Variants in TOPBP1 observed in about 807,000 individuals in gnomAD.
TOPBP1 encodes the protein DNA topoisomerase 2-binding protein 1.
A neutral mutation model predicts 167.7 loss-of-function variants in TOPBP1; 28 were observed. The observed-to-expected ratio is 0.17, with a 90% CI of 0.12 to 0.23. The LOEUF is 0.23. TOPBP1 is among the 10% of genes least tolerant of loss of function. The probability of loss-of-function intolerance (pLI) is 1.00; values close to 1 mark genes in which losing one functional copy is unlikely to be tolerated. For missense variants in TOPBP1, 1,554 were observed against 1,809.6 expected (o/e 0.86, Z 2.56); for synonymous variants, 598 against 611.4 (o/e 0.98, Z 0.32).
At chr3:133,632,461 G>C (rs1358847151) in intron 14 of TOPBP1, among the ~76,000 whole-genome samples, 1 of 152,070 alleles carries the variant, frequency 6.6e-6, no homozygotes, top group Non-Finnish European at 1.5e-5. Context: ...GTTCTTTATA[G>C]CAATGTGCAA....
chr3:133,609,020 A>G (rs775398623), intron 25 of TOPBP1, 58 bp from the exon 26 acceptor site: 47 of 1,303,848 alleles, frequency 3.6e-5, no homozygotes, highest in Non-Finnish European at 4.9e-5. Context: ...AATAATACAG[A>G]TAATGCATGA....
At chr3:133,632,390 A>G (rs979532046) in intron 14 of TOPBP1, among the ~76,000 whole-genome samples, 3 of 152,128 alleles carry the variant, frequency 2.0e-5, no homozygotes, top group Admixed American at 6.6e-5. Flanking sequence ...GGGTGACAAG[A>G]GCAAGACTCC....
Position 133,629,158 on chromosome 3 carries a change from T to TA in TOPBP1, c.2521-426dup, listed in dbSNP as rs558825222. On this transcript the variant is annotated intron_variant, in intron 14 of 27. Transcript: ENST00000260810. ...TAGAAAGTCAAAATGAGCTGAGAAT[T>TA]AAAAAAAAAAAAATCTTCAAAAGTT... 1.0e-3 allele frequency among the ~76,000 whole-genome samples: 152 copies of TA among 145,682 alleles called. 2 individuals are homozygous for TA. The East Asian group carries it at 0.013, about 13-fold the overall frequency.
In TOPBP1 at chr3:133,657,865, T is replaced by C; in HGVS notation, c.296A>G (p.His99Arg). Reference sequence around the variant, plus strand: ...AGACATAACCATATTATAAACTGGATGTTCGGCTCTTGGGACACATCGCTG... The same window carrying C: ...AGACATAACCATATTATAAACTGGACGTTCGGCTCTTGGGACACATCGCTG... ...HHQRCVPRAE[H>R]PVYNMVMSDV... Residue 99 changes from histidine (H) to arginine (R), a missense_variant, in exon 4 of 28, where the codon CAT becomes CGT. Coordinates refer to ENST00000260810, the MANE Select transcript of TOPBP1 (RefSeq NM_007027.4). The C allele has an allele frequency of 1.9e-6, 3 of 1,602,708 alleles. No homozygotes were observed. The highest frequency in any genetic ancestry group is 1.3e-5 in the African/African-American group (1 of 74,156).
intron 10 of TOPBP1, among the ~76,000 whole-genome samples, chr3:133,647,848 A>T (rs1417503568): frequency 2.6e-5 from 4 of 152,194 alleles, no homozygotes; most frequent in Non-Finnish European, 4.4e-5. Context: ...AATAAATCAC[A>T]GAAAGACAAA....
At position 133,601,171 on chromosome 3, in the gene TOPBP1, A is replaced by C. The variant is rs1934279889; in HGVS notation, c.*79T>G. On this transcript the variant is annotated 3_prime_UTR_variant, in exon 28 of 28. Coordinates refer to ENST00000260810, the MANE Select transcript of TOPBP1 (RefSeq NM_007027.4). ...TTCAGGTACTCATCTTTAAATTACT[A>C]CCCAAATCTATCACAGTCACATTCA... 2 of 1,297,758 alleles carry C rather than the reference A, an allele frequency of 1.5e-6. No homozygotes were observed. Among genetic ancestry groups the C allele is most frequent in the African/African-American group, 1.5e-5 (1 of 65,066 alleles). The allele number at this position is 1,297,758 out of a possible 1,614,324, so 80.4% of individuals were successfully genotyped here.
intron 7 of TOPBP1, 84 bp downstream of exon 7, chr3:133,653,261 C>G (rs891819191): frequency 1.6e-6 from 2 of 1,259,664 alleles, no homozygotes; most frequent in Admixed American, 7.0e-5. Context: ...AATTCCCTAT[C>G]TCAGTGATCC....
intron 8 of TOPBP1, among the ~76,000 whole-genome samples, chr3:133,650,443 C>T (rs1936251920): frequency 6.6e-6 from 1 of 151,932 alleles, no homozygotes; most frequent in African/African-American, 2.4e-5. Context: ...CTCTTTAAAT[C>T]AATTTTCTTA....
chr3:133,641,705 G>C (rs1024080491), intron 12 of TOPBP1, among the ~76,000 whole-genome samples: 1 of 152,114 alleles, frequency 6.6e-6, no homozygotes, highest in African/African-American at 2.4e-5. Context: ...TTCTATTTCA[G>C]AATTTGCATG....
intron 24 of TOPBP1, among the ~76,000 whole-genome samples, chr3:133,611,995 C>A (rs1188111483): frequency 6.6e-6 from 1 of 151,928 alleles, no homozygotes; most frequent in Non-Finnish European, 1.5e-5. Context: ...GCCTTGGCCT[C>A]CCAAAGTGCT....
chr3:133,610,912 AT>A, intron 25 of TOPBP1, 91 bp downstream of exon 25: 1 of 1,347,330 alleles, frequency 7.4e-7, no homozygotes, highest in Non-Finnish European at 9.9e-7. Flanking sequence ...TAGAATCATT[AT>A]TTCCTGAAGC....
At position 133,620,272 on chromosome 3, in the gene TOPBP1, A is replaced by G. The variant is rs1935040457; in HGVS notation, c.3254T>C (p.Val1085Ala). The change falls in exon 20 of 28, where the codon GTG becomes GCG. Residue 1085 changes from valine (V) to alanine (A), a missense_variant. Transcript: ENST00000260810. ...LQEIMSATSI[V>A]KPQGQRTSLS... ...GGAAGTCCTCTGCCCTTGGGGTTTCACTATTGATGTTGCAGACATTATCTC... is the reference window on the plus strand; with the variant it reads ...GGAAGTCCTCTGCCCTTGGGGTTTCGCTATTGATGTTGCAGACATTATCTC... 1 of 1,613,974 alleles carries G rather than the reference A, an allele frequency of 6.2e-7. No individual in the cohort carries two copies. Among genetic ancestry groups the G allele is most frequent in the Non-Finnish European group, 8.5e-7 (1 of 1,179,890 alleles).
chr3:133,638,221 T>C (rs1559823249), intron 13 of TOPBP1, 59 bp from the exon 14 acceptor site: 2 of 1,474,090 alleles, frequency 1.4e-6, no homozygotes, highest in African/African-American at 1.4e-5. Flanking sequence ...TTTTTCCCGG[T>C]ACACAAGAAG....
chr3:133,637,507 T>G (rs1292952921), intron 14 of TOPBP1, among the ~76,000 whole-genome samples: 2 of 152,238 alleles, frequency 1.3e-5, no homozygotes, highest in Non-Finnish European at 2.9e-5. Flanking sequence ...TTACATTTTA[T>G]AGTTTATAAA....
intron 13 of TOPBP1, among the ~76,000 whole-genome samples, chr3:133,638,847 T>G (rs978884497): frequency 1.3e-5 from 2 of 152,206 alleles, no homozygotes; most frequent in Non-Finnish European, 2.9e-5. Flanking sequence ...GTGTTAGACA[T>G]GGGAAATACA....
At chr3:133,612,621 A>T in intron 23 of TOPBP1, 69 bp from the exon 24 acceptor site, 1 of 1,386,538 alleles carries the variant, frequency 7.2e-7, no homozygotes, top group South Asian at 1.5e-5. Flanking sequence ...TGTAATCTCA[A>T]CTACGCATAG....
intron 14 of TOPBP1, among the ~76,000 whole-genome samples, chr3:133,630,321 T>G (rs1576296817): frequency 6.6e-6 from 1 of 150,856 alleles, no homozygotes; most frequent in East Asian, 2.0e-4. Flanking sequence ...TTTTCAGAGA[T>G]GGAGTCCTGC....
At chr3:133,654,499 T>C (rs960776358) in intron 6 of TOPBP1, among the ~76,000 whole-genome samples, 2 of 152,178 alleles carry the variant, frequency 1.3e-5, no homozygotes, top group African/African-American at 4.8e-5. Flanking sequence ...CTACTCACAG[T>C]GATCCTATCA....
intron 14 of TOPBP1, among the ~76,000 whole-genome samples, chr3:133,632,220 C>G (rs935113626): frequency 1.1e-4 from 16 of 151,844 alleles, no homozygotes; most frequent in Middle Eastern, 3.4e-3. Context: ...GCCTGCCCAA[C>G]ACAGTGAAAC....
Sources: allele counts gnomAD v4.1 joint callset (sites outside exome capture counted in the v4.1 genomes callset), GRCh38; gene constraint gnomAD v4.1.1; transcripts MANE v1.5; gene names NCBI Gene and HGNC (gene_info 2026-07-23, HGNC 2026-07-21).